Variants in DPP10 observed in about 807,000 individuals in gnomAD.
DPP10 encodes the protein inactive dipeptidyl peptidase 10.
DPP10 carries 33 observed loss-of-function variants against 120.9 expected under a neutral mutation model. The observed-to-expected ratio is 0.27, with a 90% confidence interval of 0.21 to 0.37. The LOEUF (loss-of-function observed/expected upper bound fraction) is 0.37. Ranked by LOEUF, DPP10 falls within the 10% of genes least tolerant of loss-of-function variation. The probability of loss-of-function intolerance (pLI) is 1.00; values close to 1 mark genes in which losing one functional copy is unlikely to be tolerated. For synonymous variants in DPP10, 337 were observed against 326.1 expected, an observed-to-expected ratio of 1.03 and a Z score of -0.36; for missense variants, 816 against 942.8, an observed-to-expected ratio of 0.87 and a Z score of 1.76.
intron 3 of DPP10, among the ~76,000 whole-genome samples, chr2:115,381,372 C>G (rs921200979): frequency 6.6e-6 from 1 of 152,190 alleles, no homozygotes. Context: ...GCACTCTTCA[C>G]GTAGTTCTCC....
intron 5 of DPP10, among the ~76,000 whole-genome samples, chr2:115,606,795 C>T (rs2083732773): frequency 6.6e-6 from 1 of 152,122 alleles, no homozygotes; most frequent in Admixed American, 6.5e-5. Context: ...ATAAGCACTC[C>T]TACAACAAAA....
chr2:114,858,850 G>T (rs1362446223), intron 1 of DPP10, among the ~76,000 whole-genome samples: 3 of 152,100 alleles, frequency 2.0e-5, no homozygotes, highest in Admixed American at 6.6e-5. Context: ...GGAATCCTGC[G>T]CAAGAGAATT....
intron 1 of DPP10, among the ~76,000 whole-genome samples, chr2:115,068,769 T>G (rs1217751697): frequency 1.6e-4 from 24 of 152,152 alleles, no homozygotes; most frequent in Admixed American, 1.6e-3. Context: ...AAGGGTACAA[T>G]TTCATTCTTC....
chr2:114,713,416 G>A (rs1280261705), intron 1 of DPP10, among the ~76,000 whole-genome samples: 1 of 152,100 alleles, frequency 6.6e-6, no homozygotes, highest in Non-Finnish European at 1.5e-5. Context: ...TCTCCAGAAA[G>A]AATACAACTA....
chr2:115,320,148 AT>A (rs1409818082), intron 2 of DPP10, among the ~76,000 whole-genome samples: 9 of 152,100 alleles, frequency 5.9e-5, no homozygotes, highest in Admixed American at 1.3e-4. Flanking sequence ...TCTCATAACA[AT>A]TTTTGACTTA....
At chr2:115,710,925 A>G (rs1029575896) in intron 7 of DPP10, among the ~76,000 whole-genome samples, 2 of 152,134 alleles carry the variant, frequency 1.3e-5, no homozygotes, top group African/African-American at 4.8e-5. Flanking sequence ...TCCACAAAGA[A>G]ACAACAGGAC....
chr2:115,828,085 A>G (rs1688559233), intron 21 of DPP10, among the ~76,000 whole-genome samples: 1 of 152,058 alleles, frequency 6.6e-6, no homozygotes, highest in Non-Finnish European at 1.5e-5. Flanking sequence ...CAAGTAGTAT[A>G]TTCTTCCAGC....
intron 5 of DPP10, among the ~76,000 whole-genome samples, chr2:115,668,981 T>C (rs2089669140): frequency 6.6e-6 from 1 of 152,166 alleles, no homozygotes; most frequent in Non-Finnish European, 1.5e-5. Context: ...ATTTCAGGCC[T>C]TCCCTTAGGA....
chr2:115,319,606 G>A (rs549296576), intron 2 of DPP10, among the ~76,000 whole-genome samples: 1 of 152,268 alleles, frequency 6.6e-6, no homozygotes, highest in East Asian at 1.9e-4. Flanking sequence ...TCTTGAATAA[G>A]TTTGGTAGTT....
At chr2:115,568,669 T>C (rs1399237815) in intron 5 of DPP10, among the ~76,000 whole-genome samples, 1 of 151,540 alleles carries the variant, frequency 6.6e-6, no homozygotes, top group South Asian at 2.1e-4. Flanking sequence ...TCACTCTCAA[T>C]TTTTTTTTCT....
At chr2:115,011,693 G>C (rs1426202307) in intron 1 of DPP10, among the ~76,000 whole-genome samples, 1 of 152,104 alleles carries the variant, frequency 6.6e-6, no homozygotes, top group African/African-American at 2.4e-5. Flanking sequence ...CTCACGCTTG[G>C]AGGAACAGAG....
intron 9 of DPP10, among the ~76,000 whole-genome samples, 161 bp from the exon 10 acceptor site, chr2:115,745,925 G>T (rs1677908698): frequency 6.6e-6 from 1 of 152,104 alleles, no homozygotes; most frequent in Admixed American, 6.6e-5. Flanking sequence ...ACAATTGAGG[G>T]CAATCATGTT....
intron 9 of DPP10, among the ~76,000 whole-genome samples, chr2:115,745,107 TACTC>T (rs1677783288): frequency 6.6e-6 from 1 of 150,466 alleles, no homozygotes. Flanking sequence ...TCCTGCCCCT[TACTC>T]ACAGTGTATT....
chr2:114,494,260 A>G (rs1352084733), intron 1 of DPP10, among the ~76,000 whole-genome samples: 2 of 152,136 alleles, frequency 1.3e-5, no homozygotes. Context: ...TCATTTATAA[A>G]ATGGGAATAA....
intron 1 of DPP10, among the ~76,000 whole-genome samples, chr2:114,554,388 C>A (rs977251383): frequency 6.6e-6 from 1 of 152,206 alleles, no homozygotes; most frequent in South Asian, 2.1e-4. Context: ...GGCTGTGTCA[C>A]CTTGGGCAGG....
intron 1 of DPP10, among the ~76,000 whole-genome samples, chr2:114,477,076 C>T (rs1296720354): frequency 6.6e-6 from 1 of 152,062 alleles, no homozygotes; most frequent in Non-Finnish European, 1.5e-5. Context: ...TCTACTGCTT[C>T]AGCTTCCCAA....
In DPP10 at chr2:114,458,923, A is replaced by T. The variant is rs148369066; in HGVS notation, c.60+16085A>T. Among the ~76,000 whole-genome samples, 60 of 152,310 alleles carry T rather than the reference A, an allele frequency of 3.9e-4. No homozygotes were observed. In the East Asian group the frequency reaches 6.6e-3, roughly 17 times the overall value. ...AATGTGTTATAATGAATAGATCAACAAAAATATAACTACAGTAAGGCAAAA... is the reference window on the plus strand; with the variant it reads ...AATGTGTTATAATGAATAGATCAACTAAAATATAACTACAGTAAGGCAAAA... On this transcript the variant is annotated intron_variant, in intron 1 of 25. Coordinates refer to ENST00000410059, the MANE Select transcript of DPP10 (RefSeq NM_020868.6).
intron 1 of DPP10, among the ~76,000 whole-genome samples, chr2:114,882,857 A>G (rs1049748391): frequency 1.3e-5 from 2 of 152,130 alleles, no homozygotes; most frequent in Non-Finnish European, 2.9e-5. Flanking sequence ...AAGAAAGGAG[A>G]AAAAAACAAA....
chr2:115,111,895 T>C (rs2049242531), intron 1 of DPP10, among the ~76,000 whole-genome samples: 1 of 152,214 alleles, frequency 6.6e-6, no homozygotes, highest in African/African-American at 2.4e-5. Context: ...CATTGTCTTT[T>C]TAGTACTCAG....
Sources: gnomAD v4.1 joint callset for allele counts (sites outside exome capture counted in the v4.1 genomes callset) on GRCh38, gnomAD v4.1.1 for gene constraint, MANE v1.5 for transcripts, NCBI Gene and HGNC (gene_info 2026-07-23, HGNC 2026-07-21) for gene names.